ERG: variants seen among roughly 807,000 people sequenced by gnomAD.
The protein encoded by ERG is transcriptional regulator ERG.
Under a neutral mutation model 55.3 loss-of-function variants are expected in ERG, and 9 were observed. The observed-to-expected ratio is 0.16, with a 90% confidence interval of 0.10 to 0.28. ERG has a LOEUF of 0.28. Ranked by LOEUF, ERG falls within the 10% of genes least tolerant of loss-of-function variation. The pLI, the probability that ERG is intolerant of heterozygous loss-of-function variation, is 1.00. For missense variants in ERG, 434 were observed against 631.6 expected (o/e 0.69, Z 3.35); for synonymous variants, 223 against 237.3 (o/e 0.94, Z 0.55).
At chr21:38,560,348 C>T (rs75056509) in intron 2 of ERG, among the ~76,000 whole-genome samples, 2,170 of 152,232 alleles carry the variant, frequency 0.014, 53 homozygotes, top group African/African-American at 0.048. Context: ...TCTGAACAAC[C>T]TCCAGCTGTT....
At chr21:38,402,193 T>G (rs1988527883) in intron 5 of ERG, among the ~76,000 whole-genome samples, 1 of 152,182 alleles carries the variant, frequency 6.6e-6, no homozygotes, top group Admixed American at 6.5e-5. Flanking sequence ...CTAAGGGCCC[T>G]TTTATATCGA....
At chr21:38,639,174 C>T (rs1465515173) in intron 1 of ERG, among the ~76,000 whole-genome samples, 2 of 152,118 alleles carry the variant, frequency 1.3e-5, no homozygotes, top group African/African-American at 4.8e-5. Flanking sequence ...ATACCCATCA[C>T]GGCACACACC....
upstream of ERG, among the ~76,000 whole-genome samples, chr21:38,501,482 A>T: frequency 6.6e-6 from 1 of 152,050 alleles, no homozygotes; most frequent in East Asian, 1.9e-4. Context: ...CTTGTACCCC[A>T]AGTCTATGTT....
intron 2 of ERG, among the ~76,000 whole-genome samples, chr21:38,524,134 C>T (rs2059614035): frequency 6.6e-6 from 1 of 152,172 alleles, no homozygotes; most frequent in Non-Finnish European, 1.5e-5. Flanking sequence ...TGAGACCAAA[C>T]CCAAGCTAGA....
rs555661488 is a variant in ERG at position 38,560,788 on chromosome 21, G to A, written c.-41+14874C>T. On this transcript the variant is annotated intron_variant, in intron 2 of 8. Transcript: ENST00000398897. ...TATTTAGCCATTTCAAAGGAAATGA[G>A]AAAGCTTCCCAAATTGTGGTCCTCA... Among the ~76,000 whole-genome samples, 127 of 152,306 alleles carry A rather than the reference G, an allele frequency of 8.3e-4. 1 individual carries two copies. Among genetic ancestry groups the A allele is most frequent in the African/African-American group, 2.7e-3 (112 of 41,572 alleles).
intron 2 of ERG, among the ~76,000 whole-genome samples, chr21:38,531,746 C>G (rs1196696851): frequency 6.6e-6 from 1 of 152,028 alleles, no homozygotes; most frequent in African/African-American, 2.4e-5. Flanking sequence ...TAAGAATGAA[C>G]AAAGATGGGA....
intron 2 of ERG, among the ~76,000 whole-genome samples, chr21:38,428,845 T>C (rs1989967722): frequency 6.6e-6 from 1 of 152,224 alleles, no homozygotes; most frequent in Non-Finnish European, 1.5e-5. Flanking sequence ...TTCAAGATAT[T>C]GCTCTCACAG....
chr21:38,391,593 T>C (rs749861269), intron 8 of ERG, 66 bp downstream of exon 8: 155 of 1,311,048 alleles, frequency 1.2e-4, no homozygotes, highest in Non-Finnish European at 1.6e-4. Context: ...AAGTGAAGCA[T>C]TTTAGAAATG....
intron 2 of ERG, among the ~76,000 whole-genome samples, chr21:38,442,212 G>A (rs2058847723): frequency 6.6e-6 from 1 of 152,082 alleles, no homozygotes; most frequent in Non-Finnish European, 1.5e-5. Flanking sequence ...TGGCCAACAT[G>A]GTGAAACCCC....
chr21:38,598,169 C>T (rs1320882063), intron 1 of ERG, among the ~76,000 whole-genome samples: 3 of 152,208 alleles, frequency 2.0e-5, no homozygotes, highest in Non-Finnish European at 2.9e-5. Flanking sequence ...CTAAAAACCA[C>T]CCATTTTCTC....
chr21:38,408,442 T>C (rs1462011229), intron 3 of ERG, among the ~76,000 whole-genome samples: 1 of 152,236 alleles, frequency 6.6e-6, no homozygotes, highest in Non-Finnish European at 1.5e-5. Context: ...GCATCTGTCC[T>C]AGATGTTCTC....
intron 1 of ERG, among the ~76,000 whole-genome samples, chr21:38,477,431 C>G (rs796249882): frequency 6.6e-6 from 1 of 151,788 alleles, no homozygotes; most frequent in African/African-American, 2.4e-5. Context: ...TTTTAATCTC[C>G]GAGAAGTTAT....
intron 2 of ERG, among the ~76,000 whole-genome samples, chr21:38,440,329 G>T (rs1176933406): frequency 6.6e-6 from 1 of 152,222 alleles, no homozygotes; most frequent in Non-Finnish European, 1.5e-5. Flanking sequence ...TCCAGAGGCA[G>T]GCAGCCACAC....
At chr21:38,544,974 C>G (rs8132408) in intron 2 of ERG, among the ~76,000 whole-genome samples, 76,707 of 151,898 alleles carry the variant, frequency 0.5, 20,672 homozygotes, top group Non-Finnish European at 0.62. Context: ...TCTACCCGCT[C>G]TTGGTCTTCT....
chr21:38,403,761 T>A, intron 3 of ERG, 52 bp from the exon 4 acceptor site: 3 of 1,542,266 alleles, frequency 1.9e-6, no homozygotes, highest in East Asian at 2.3e-5. Flanking sequence ...GGGATCTTCA[T>A]CTTGGGGTAG....
chr21:38,459,438 G>C (rs780514219), intron 1 of ERG, among the ~76,000 whole-genome samples: 2 of 152,184 alleles, frequency 1.3e-5, no homozygotes, highest in African/African-American at 2.4e-5. Flanking sequence ...ACAATCTGAG[G>C]GCATGGTTGC....
In ERG at chr21:38,418,144, G is replaced by T. The variant is rs116776937; in HGVS notation, c.388+5266C>A. ...TTAAAAATAATTCAAGTCTATTAAA[G>T]TAAAATTTATATCTTCTATCTAGAT... On this transcript the variant is annotated intron_variant, in intron 3 of 9. Coordinates refer to ENST00000288319, the MANE Select transcript of ERG (RefSeq NM_182918.4). Among the ~76,000 whole-genome samples, 1,017 of 152,128 alleles carry T rather than the reference G, an allele frequency of 6.7e-3. 7 individuals carry two copies. The highest frequency in any genetic ancestry group is 0.022 in the African/African-American group (906 of 41,506).
intron 2 of ERG, among the ~76,000 whole-genome samples, chr21:38,425,607 C>T (rs1309609440): frequency 6.6e-6 from 1 of 152,174 alleles, no homozygotes; most frequent in Non-Finnish European, 1.5e-5. Context: ...AGGCTCTATC[C>T]AATGCATACA....
At chr21:38,660,660 G>A (rs1213308877) in intron 1 of ERG, 1 of 152,040 alleles carries the variant, frequency 6.6e-6, no homozygotes, top group African/African-American at 2.4e-5. Flanking sequence ...GGCGCCGACG[G>A]GCTCAGCCCA....
Sources: allele counts gnomAD v4.1 joint callset (sites outside exome capture counted in the v4.1 genomes callset), GRCh38; gene constraint gnomAD v4.1.1; transcripts MANE v1.5; gene names NCBI Gene and HGNC (gene_info 2026-07-23, HGNC 2026-07-21).